Variants in NXPH2 observed in about 807,000 individuals in gnomAD.
The protein encoded by NXPH2 is neurexophilin 2.
A neutral mutation model predicts 19.8 loss-of-function variants in NXPH2; 5 were observed. The ratio of observed to expected loss-of-function variants is 0.25; its 90% CI spans 0.13 to 0.53. NXPH2 has a LOEUF of 0.53. Among genes scored for constraint, NXPH2 ranks in the 20% least tolerant of loss-of-function variants. The pLI is 0.96. For missense variants in NXPH2, 289 were observed against 322.8 expected (o/e 0.90, Z 0.80); for synonymous variants, 154 against 127.4 (o/e 1.21, Z -1.41).
chr2:138,741,058 G>T (rs1681634498), intron 1 of NXPH2, among the ~76,000 whole-genome samples: 1 of 151,950 alleles, frequency 6.6e-6, no homozygotes, highest in African/African-American at 2.4e-5. Context: ...CAAGTAATAG[G>T]TGCTATATAA....
At chr2:138,754,414 T>C (rs1277101380) in intron 1 of NXPH2, among the ~76,000 whole-genome samples, 2 of 152,220 alleles carry the variant, frequency 1.3e-5, no homozygotes, top group Non-Finnish European at 1.5e-5. Context: ...TTTTCCAGAA[T>C]GTCACATAAT....
At chr2:138,738,275 TGG>T (rs1681584472) in intron 1 of NXPH2, among the ~76,000 whole-genome samples, 1 of 152,188 alleles carries the variant, frequency 6.6e-6, no homozygotes, top group African/African-American at 2.4e-5. Context: ...ATCTGTAAAA[TGG>T]GAATAATATA....
intron 1 of NXPH2, among the ~76,000 whole-genome samples, chr2:138,679,138 C>A (rs1680531970): frequency 6.6e-6 from 1 of 152,248 alleles, no homozygotes; most frequent in African/African-American, 2.4e-5. Context: ...GATTTCTCCA[C>A]ACTCACTGAA....
chr2:138,715,694 T>C (rs1333254772), intron 1 of NXPH2, among the ~76,000 whole-genome samples: 1 of 152,152 alleles, frequency 6.6e-6, no homozygotes, highest in Non-Finnish European at 1.5e-5. Flanking sequence ...ATTCTGGCGG[T>C]AGAGGGCTTT....
At chr2:138,704,271 G>A (rs1022512572) in intron 1 of NXPH2, among the ~76,000 whole-genome samples, 8 of 152,168 alleles carry the variant, frequency 5.3e-5, no homozygotes, top group Admixed American at 2.0e-4. Flanking sequence ...AAGTTCTATG[G>A]AAGGTAATGA....
chr2:138,713,738 A>G (rs1681145132), intron 1 of NXPH2, among the ~76,000 whole-genome samples: 2 of 152,172 alleles, frequency 1.3e-5, no homozygotes, highest in South Asian at 4.1e-4. Context: ...GCGACAGGAC[A>G]GCAGGGACAG....
chr2:138,755,678 T>G (rs1034635854), intron 1 of NXPH2, among the ~76,000 whole-genome samples: 4 of 152,166 alleles, frequency 2.6e-5, no homozygotes, highest in Non-Finnish European at 4.4e-5. Flanking sequence ...CTATAAAAAT[T>G]TTAGAGCCAG....
intron 1 of NXPH2, among the ~76,000 whole-genome samples, chr2:138,725,180 A>G (rs1179055316): frequency 2.0e-5 from 3 of 152,274 alleles, no homozygotes; most frequent in African/African-American, 7.2e-5. Context: ...ACTTTATCCT[A>G]CTACTTTAAT....
At position 138,780,380 on chromosome 2, in the gene NXPH2, C is replaced by T. The variant is rs1033641631; in HGVS notation, c.-139G>A. ...CCGGAATCCGAGCGCTGCGCCGTGC[C>T]GCGCAGCTCTGGCCGGGTGGGCGGG... On this transcript the variant is annotated 5_prime_UTR_variant, in exon 1 of 2. Transcript: ENST00000272641. The T allele has an allele frequency of 2.8e-5, 6 of 214,860 alleles. No individual in the cohort carries two copies. Among genetic ancestry groups the T allele is most frequent in the Non-Finnish European group, 5.3e-5 (6 of 113,930 alleles). The allele number at this position is 214,860 out of a possible 1,614,324, so 13.3% of individuals were successfully genotyped here. A position where few individuals can be genotyped will look rare whatever the true frequency, so the allele number is the denominator to read the frequency against.
At position 138,670,448 on chromosome 2, in the gene NXPH2, G is replaced by T. The variant is rs938307358; in HGVS notation, c.*474C>A. Among the ~76,000 whole-genome samples, 18 of 151,996 alleles carry T rather than the reference G, an allele frequency of 1.2e-4. No homozygotes were observed. Among genetic ancestry groups the T allele is most frequent in the African/African-American group, 4.1e-4 (17 of 41,502 alleles). ...GCACAGATGGATGGGGGAAAAGATA[G>T]AAATATAAAAAAAAGGGTCCAATGT... On this transcript the variant is annotated 3_prime_UTR_variant, in exon 2 of 2. Transcript: ENST00000272641.
chr2:138,711,854 T>C (rs1456339357), intron 1 of NXPH2, among the ~76,000 whole-genome samples: 1 of 152,216 alleles, frequency 6.6e-6, no homozygotes, highest in Non-Finnish European at 1.5e-5. Context: ...GGATAGTGTT[T>C]CCATGATCAC....
intron 1 of NXPH2, among the ~76,000 whole-genome samples, chr2:138,707,092 G>GAAAAAAAAAAAAAAAAAAAAAA (rs1242493874): frequency 1.7e-3 from 2 of 1,158 alleles, no homozygotes; most frequent in Non-Finnish European, 5.4e-3. Context: ...CTTGCCCCAT[G>GAAAAAAAAAAAAAAAAAAAAAA]ACAAAAAAAA....
chr2:138,722,871 C>A (rs1254153412), intron 1 of NXPH2, among the ~76,000 whole-genome samples: 1 of 152,178 alleles, frequency 6.6e-6, no homozygotes, highest in Admixed American at 6.5e-5. Flanking sequence ...CTTTGAGGTT[C>A]TTTGGCCTCT....
intron 1 of NXPH2, among the ~76,000 whole-genome samples, chr2:138,756,227 G>A (rs868145553): frequency 6.6e-6 from 1 of 151,952 alleles, no homozygotes; most frequent in African/African-American, 2.4e-5. Flanking sequence ...GAACTAGCTA[G>A]AACTTCCAAT....
intron 1 of NXPH2, among the ~76,000 whole-genome samples, chr2:138,695,847 T>A (rs932875829): frequency 3.9e-5 from 6 of 152,012 alleles, no homozygotes; most frequent in African/African-American, 1.5e-4. Flanking sequence ...CAGATAAGTA[T>A]CCATTTAAAA....
intron 1 of NXPH2, among the ~76,000 whole-genome samples, chr2:138,774,612 A>G (rs1682231301): frequency 6.6e-6 from 1 of 152,208 alleles, no homozygotes; most frequent in African/African-American, 2.4e-5. Context: ...TTTATAGATG[A>G]AAGTTCTCAG....
At chr2:138,773,264 T>A (rs1233811468) in intron 1 of NXPH2, among the ~76,000 whole-genome samples, 1 of 152,232 alleles carries the variant, frequency 6.6e-6, no homozygotes, top group Non-Finnish European at 1.5e-5. Context: ...AATTCGAGAC[T>A]ACGGAAAACA....
chr2:138,702,747 A>G (rs571479964), intron 1 of NXPH2, among the ~76,000 whole-genome samples: 85 of 152,310 alleles, frequency 5.6e-4, no homozygotes, highest in African/African-American at 1.9e-3. Context: ...ATTGGATGTG[A>G]GAACTAAATT....
At chr2:138,717,116 C>A (rs563443385) in intron 1 of NXPH2, among the ~76,000 whole-genome samples, 15 of 152,112 alleles carry the variant, frequency 9.9e-5, no homozygotes, top group African/African-American at 3.6e-4. Context: ...CAATGGAGTG[C>A]TATGAAGCTG....
Sources: allele counts gnomAD v4.1 joint callset (sites outside exome capture counted in the v4.1 genomes callset), GRCh38; gene constraint gnomAD v4.1.1; transcripts MANE v1.5; gene names NCBI Gene and HGNC (gene_info 2026-07-23, HGNC 2026-07-21).